AHR: variants seen among roughly 807,000 people sequenced by gnomAD.
AHR encodes aryl hydrocarbon receptor, also known as AH-receptor.
AHR carries 40 observed loss-of-function variants against 86.8 expected under a neutral mutation model. The ratio of observed to expected loss-of-function variants is 0.46; its 90% CI spans 0.36 to 0.60. AHR has a LOEUF of 0.60. AHR is among the 20% of genes least tolerant of loss of function. The pLI is 0.00. For missense variants in AHR, 1,001 were observed against 1,011.6 expected, an observed-to-expected ratio of 0.99 and a Z score of 0.14; for synonymous variants, 398 against 354.9, an observed-to-expected ratio of 1.12 and a Z score of -1.37.
intron 1 of AHR, among the ~76,000 whole-genome samples, chr7:17,302,295 A>G (rs1781963022): frequency 6.6e-6 from 1 of 152,054 alleles, no homozygotes; most frequent in Non-Finnish European, 1.5e-5. Context: ...TCTGAGCCTT[A>G]GCTGATCTTT....
chr7:17,325,280 A>G (rs76549132), intron 3 of AHR, among the ~76,000 whole-genome samples: 138 of 152,324 alleles, frequency 9.1e-4, no homozygotes, highest in African/African-American at 3.2e-3. Flanking sequence ...ACATTTGTCT[A>G]AAGAGATTTG....
chr7:17,312,080 A>C lies in AHR; in HGVS notation c.253+1957A>C, dbSNP rs143213711. ...GGTGATAGGGCTAGATGCATATTGA[A>C]GTTTAGGAGCCACTGCTGTAGATTG... On this transcript the variant is annotated intron_variant, in intron 2 of 10. Coordinates refer to ENST00000242057, the MANE Select transcript of AHR (RefSeq NM_001621.5). Among the ~76,000 whole-genome samples the C allele has an allele frequency of 4.3e-3, 662 of 152,272 alleles. 11 individuals carry two copies. Among genetic ancestry groups the C allele is most frequent in the South Asian group, 0.02 (98 of 4,812 alleles).
intron 2 of AHR, among the ~76,000 whole-genome samples, chr7:17,311,725 A>G (rs1782066198): frequency 1.3e-5 from 2 of 152,202 alleles, no homozygotes; most frequent in South Asian, 4.1e-4. Flanking sequence ...AGTTGCCTCT[A>G]TACCAAACCC....
chr7:17,314,008 T>G (rs2115355025), intron 2 of AHR, among the ~76,000 whole-genome samples: 1 of 152,294 alleles, frequency 6.6e-6, no homozygotes, highest in East Asian at 1.9e-4. Flanking sequence ...AATACAATTT[T>G]TAATGAGATT....
intron 1 of AHR, among the ~76,000 whole-genome samples, 172 bp from the exon 2 acceptor site, chr7:17,309,764 C>A (rs1450287379): frequency 6.6e-6 from 1 of 152,146 alleles, no homozygotes; most frequent in East Asian, 1.9e-4. Flanking sequence ...AACCCATTCC[C>A]TGTTTTTCTT....
intron 3 of AHR, among the ~76,000 whole-genome samples, chr7:17,324,891 A>G (rs534557444): frequency 2.0e-5 from 3 of 152,336 alleles, no homozygotes; most frequent in Non-Finnish European, 2.9e-5. Context: ...AAATGAAACA[A>G]TGTGAATAAC....
intron 9 of AHR, among the ~76,000 whole-genome samples, chr7:17,338,394 C>T (rs1008750827): frequency 3.9e-5 from 6 of 152,014 alleles, no homozygotes; most frequent in African/African-American, 1.5e-4. Flanking sequence ...CTTACTCTGT[C>T]ACCTATGCTG....
chr7:17,312,055 G>C (rs1306852380), intron 2 of AHR, among the ~76,000 whole-genome samples: 1 of 152,146 alleles, frequency 6.6e-6, no homozygotes, highest in Non-Finnish European at 1.5e-5. Flanking sequence ...TGGGACCTTT[G>C]GTGATAGGGC....
chr7:17,303,633 A>T (rs1372523182), intron 1 of AHR, among the ~76,000 whole-genome samples: 1 of 151,918 alleles, frequency 6.6e-6, no homozygotes, highest in Non-Finnish European at 1.5e-5. Context: ...ATATTCTATA[A>T]TTTTTTTAAC....
chr7:17,334,001 GT>G lies in AHR; in HGVS notation c.798del (p.Phe266LeufsTer3). On this transcript the variant is annotated frameshift_variant, in exon 7 of 11. Coordinates refer to ENST00000242057, the MANE Select transcript of AHR (RefSeq NM_001621.5). LOFTEE classifies it high-confidence loss of function. ...CAATACTTCCACCTCAGTTGGCTTT[GT>G]TTGCGATAGCTACTCCACTTCAGCC... Reference protein sequence around the residue: ...GSILPPQLALFAIATPLQPPS... With the variant: ...GSILPPQLALXAIATPLQPPS... 6.2e-7 allele frequency: 1 copy of G among 1,613,470 alleles called. No homozygotes were observed. The highest frequency in any genetic ancestry group is 8.5e-7 in the Non-Finnish European group (1 of 1,179,540).
rs747810579 is a variant in AHR, at chr7:17,333,885, C to CTT, written c.706-22_706-21dup. The CTT allele has an allele frequency of 5.0e-6, 8 of 1,590,876 alleles. No individual in the cohort carries two copies. The Middle Eastern group carries it at 1.0e-3, about 199-fold the overall frequency. On this transcript the variant is annotated intron_variant, in intron 6 of 10. Coordinates refer to ENST00000242057, the MANE Select transcript of AHR (RefSeq NM_001621.5). ...ATTTTATATTGTTAATTTTAATGAA[C>CTT]TTTTTTGTTGTTGTTGCTTTTTTAA...
chr7:17,314,381 G>A (rs895163712), intron 2 of AHR, among the ~76,000 whole-genome samples: 12 of 152,064 alleles, frequency 7.9e-5, no homozygotes, highest in Non-Finnish European at 1.3e-4. Flanking sequence ...AATGCTGTGG[G>A]AAGAGAGGAT....
chr7:17,305,654 C>T (rs927261011), intron 1 of AHR, among the ~76,000 whole-genome samples: 4 of 152,102 alleles, frequency 2.6e-5, no homozygotes, highest in East Asian at 1.9e-4. Context: ...AAACTCAGTA[C>T]TGTGAGAGGC....
rs1320171845 is a variant in AHR at position 17,325,483 on chromosome 7, T to TA, written c.361-2275dup. ...CAGTGCAATGACGGATATATAGTGTTACTGCCAAGAGAATTTAAGAATATC... is the reference window on the plus strand; with the variant it reads ...CAGTGCAATGACGGATATATAGTGTTAACTGCCAAGAGAATTTAAGAATATC... On this transcript the variant is annotated intron_variant, in intron 3 of 10. Transcript: ENST00000242057. Among the ~76,000 whole-genome samples, 13 of 152,320 alleles carry TA rather than the reference T, an allele frequency of 8.5e-5. No individual in the cohort carries two copies. The Middle Eastern group carries it at 0.01, about 120-fold the overall frequency.
In AHR at chr7:17,340,095, C is replaced by G. The variant is rs1183606548; in HGVS notation, c.2270C>G (p.Ala757Gly). 3.1e-6 allele frequency: 5 copies of G among 1,614,186 alleles called. No individual in the cohort carries two copies. The South Asian group carries it at 5.5e-5, about 18-fold the overall frequency. ...NQKHGLNPQSAIITPQTCYAG... is the reference protein window; with the variant it reads ...NQKHGLNPQSGIITPQTCYAG... ...AAGCATGGATTAAATCCACAGTCAG[C>G]CATAATAACTCCTCAGACATGTTAT... The change falls in exon 10 of 11, where the codon GCC becomes GGC. Residue 757 changes from alanine (A) to glycine (G), a missense_variant. Transcript: ENST00000242057.
rs756281640 is a variant in AHR, at chr7:17,309,965, A to T, written c.95A>T (p.Lys32Met). ...AAGCCAATCCCAGCTGAAGGAATCA[A>T]GTCAAATCCTTCCAAGCGGCATAGA... is the stretch of plus-strand genomic sequence containing the variant. The part of the protein sequence containing the change: ...TVKPIPAEGI[K>M]SNPSKRHRDR... The change falls in exon 2 of 11, where the codon AAG becomes ATG. Residue 32 changes from lysine (K) to methionine (M), a missense_variant. Lys to Met is a moderately conservative substitution (Grantham distance 95). This residue lies in a region of AHR where 394 missense variants were observed against 468.5 expected (regional missense o/e 0.84). Coordinates refer to ENST00000242057, the MANE Select transcript of AHR (RefSeq NM_001621.5). The T allele has an allele frequency of 1.2e-6, 2 of 1,603,460 alleles. No homozygotes were observed.
intron 10 of AHR, among the ~76,000 whole-genome samples, chr7:17,342,114 G>C (rs1293389678): frequency 6.6e-6 from 1 of 152,070 alleles, no homozygotes; most frequent in South Asian, 2.1e-4. Context: ...GCTTTACAAA[G>C]GTAGATTTTA....
chr7:17,304,451 TG>T lies in AHR; in HGVS notation c.65+5125del, dbSNP rs148298318. Among the ~76,000 whole-genome samples the T allele has an allele frequency of 6.9e-3, 1,054 of 152,288 alleles. 12 individuals are homozygous for T. The highest frequency in any genetic ancestry group is 0.024 in the African/African-American group (994 of 41,566). The stretch of plus-strand genomic sequence containing the variant: ...TACCATCTTCCTGTTTATTAGCATC[TG>T]GGTTTAGCTGTCACTTAGGTTCATC... On this transcript the variant is annotated intron_variant, in intron 1 of 10. Transcript: ENST00000242057.
rs752182244 is a variant in AHR at position 17,343,148 on chromosome 7, G to A, written c.*84G>A. On this transcript the variant is annotated 3_prime_UTR_variant, in exon 11 of 11. Coordinates refer to ENST00000242057, the MANE Select transcript of AHR (RefSeq NM_001621.5). ...AAAAATAAAACTGTCACTGTTGGAC[G>A]TCAGCAAGTTCACATGGAGGCATTG... 148 of 1,494,698 alleles carry A rather than the reference G, an allele frequency of 9.9e-5. No homozygotes were observed. The highest frequency in any genetic ancestry group is 1.3e-4 in the Non-Finnish European group (137 of 1,078,998). The allele number at this position is 1,494,698 out of a possible 1,614,324, so 92.6% of individuals were successfully genotyped here. A position where few individuals can be genotyped will look rare whatever the true frequency, so the allele number is the denominator to read the frequency against.
Sources: gnomAD v4.1 joint callset for allele counts (sites outside exome capture counted in the v4.1 genomes callset) on GRCh38, gnomAD v4.1.1 for gene constraint, gnomAD v4.1.1 regional missense constraint, MANE v1.5 for transcripts, NCBI Gene and HGNC (gene_info 2026-07-23, HGNC 2026-07-21) for gene names.